The following BCAN variants were observed in gnomAD, a reference collection of about 807,000 sequenced individuals.
BCAN encodes the protein brevican, also known as brevican core protein.
A neutral mutation model predicts 92.4 loss-of-function variants in BCAN; 51 were observed. The ratio of observed to expected loss-of-function variants is 0.55; its 90% CI spans 0.44 to 0.70. The LOEUF (loss-of-function observed/expected upper bound fraction) is 0.70. Among genes scored for constraint, BCAN ranks in the 30% least tolerant of loss-of-function variants. BCAN has a pLI of 0.00. For synonymous variants in BCAN, 501 were observed against 505.2 expected, an observed-to-expected ratio of 0.99 and a Z score of 0.11; for missense variants, 1,140 against 1,212.1, an observed-to-expected ratio of 0.94 and a Z score of 0.88.
rs1260306670 is a variant in BCAN, at chr1:156,659,026, G to C, written c.2629-1G>C. ...GGAGGGTGAGTGTGTGTCTTCCCCAGGCCCGAGCTCTGCACCCAGAGGAGG... is the reference window on the plus strand; with the variant it reads ...GGAGGGTGAGTGTGTGTCTTCCCCACGCCCGAGCTCTGCACCCAGAGGAGG... On this transcript the variant is annotated splice_acceptor_variant, in intron 13 of 13. Transcript: ENST00000329117. LOFTEE classifies it high-confidence loss of function. The C allele has an allele frequency of 6.3e-7, 1 of 1,594,866 alleles. No individual in the cohort carries two copies. The highest frequency in any genetic ancestry group is 8.5e-7 in the Non-Finnish European group (1 of 1,172,522).
rs116467556 is a variant in BCAN at position 156,654,256 on chromosome 1, G to T, written c.1942+1364G>T. 5.5e-3 allele frequency among the ~76,000 whole-genome samples: 834 copies of T among 152,276 alleles called. 8 individuals are homozygous for T. Among genetic ancestry groups the T allele is most frequent in the African/African-American group, 0.017 (725 of 41,550 alleles). On this transcript the variant is annotated intron_variant, in intron 8 of 13. Coordinates refer to ENST00000329117, the MANE Select transcript of BCAN (RefSeq NM_021948.5). Reference sequence around the variant, plus strand: ...CCAGTGGAGGTTCCTGGAGAAGGCTGGGATTCCCTTAGCCCTAGGACCCCC... The same window carrying T: ...CCAGTGGAGGTTCCTGGAGAAGGCTTGGATTCCCTTAGCCCTAGGACCCCC...
intron 7 of BCAN, 96 bp downstream of exon 7, chr1:156,651,785 G>A (rs1679174371): frequency 9.0e-7 from 1 of 1,111,198 alleles, no homozygotes; most frequent in African/African-American, 1.6e-5. Flanking sequence ...TGGATGACAT[G>A]ACTCTGCCCT....
rs1679068603 is a variant in BCAN, at chr1:156,648,811, A to T, written c.1013A>T (p.Gln338Leu). The T allele has an allele frequency of 3.1e-6, 5 of 1,592,488 alleles. No individual in the cohort carries two copies. The East Asian group carries it at 1.1e-4, about 36-fold the overall frequency. The stretch of plus-strand genomic sequence containing the variant: ...AAGACTCTCTTCCTCTTCCCCAACC[A>T]GACTGGCTTCCCCAATAAGCACAGC... ...GVKTLFLFPN[Q>L]TGFPNKHSRF... The change falls in exon 6 of 14, where the codon CAG becomes CTG. Residue 338 changes from glutamine (Q) to leucine (L), a missense_variant. Physicochemically the swap from Gln to Leu is moderately radical, Grantham distance 113 (BLOSUM62 -2). Around this residue, in one of 3 missense-constraint regions of BCAN, gnomAD observed 825 missense variants for 871.8 expected, o/e 0.95. Transcript: ENST00000329117.
chr1:156,657,395 C>T lies in BCAN; in HGVS notation c.2210-280C>T, dbSNP rs1463980781. On this transcript the variant is annotated intron_variant, in intron 10 of 13. Transcript: ENST00000329117. ...AACCTCCCTGCTCTCCGACCTCCGT[C>T]GGCCTCCTCCAACTCCAACTCCAAT... 1.4e-5 allele frequency: 8 copies of T among 552,562 alleles called. No individual in the cohort carries two copies. The South Asian group carries it at 1.5e-4, about 10-fold the overall frequency. The allele number at this position is 552,562 out of a possible 1,614,324, so 34.2% of individuals were successfully genotyped here. A position where few individuals can be genotyped will look rare whatever the true frequency, so the allele number is the denominator to read the frequency against.
chr1:156,647,929 G>A lies in BCAN; in HGVS notation c.642-54G>A, dbSNP rs1679040148. On this transcript the variant is annotated intron_variant, in intron 4 of 13. Coordinates refer to ENST00000329117, the MANE Select transcript of BCAN (RefSeq NM_021948.5). This position sits in a 1 kb window ranked among gnomAD's most constrained non-coding sequence, Gnocchi z 4.8. ...GTGGGGTTCAATAGAATCAATATGG[G>A]CTGGCTCCCTGGTGAAAGCATCTGT... 6.2e-7 allele frequency: 1 copy of A among 1,607,790 alleles called. No individual in the cohort carries two copies. Among genetic ancestry groups the A allele is most frequent in the South Asian group, 1.1e-5 (1 of 90,888 alleles).
Position 156,648,044 on chromosome 1 carries a change from C to A in BCAN, c.703C>A (p.Arg235=). The change falls in exon 5 of 14, where the codon CGG becomes AGG. Residue 235 remains arginine (R), a synonymous_variant. Coordinates refer to ENST00000329117, the MANE Select transcript of BCAN (RefSeq NM_021948.5). ...AGACATGGATGGCTTCCCCGGGGTC[C>A]GGAACTATGGTGTGGTGGACCCGGA... ...YGDMDGFPGV[R]NYGVVDPDDL... 1 of 1,614,016 alleles carries A rather than the reference C, an allele frequency of 6.2e-7. No individual in the cohort carries two copies.
Position 156,652,780 on chromosome 1 carries a change from C to A in BCAN, c.1830C>A (p.Pro610=). 6.2e-7 allele frequency: 1 copy of A among 1,612,288 alleles called. No homozygotes were observed. The highest frequency in any genetic ancestry group is 8.5e-7 in the Non-Finnish European group (1 of 1,178,744). ...APEGTRELEA[P]SEDNSGRTAP... The stretch of plus-strand genomic sequence containing the variant: ...AGGGTACCAGGGAGCTGGAGGCCCC[C>A]TCTGAAGATAATTCTGGAAGAACTG... The change falls in exon 8 of 14, where the codon CCC becomes CCA. Residue 610 remains proline, a synonymous_variant. Coordinates refer to ENST00000329117, the MANE Select transcript of BCAN (RefSeq NM_021948.5).
At position 156,647,806 on chromosome 1, in the gene BCAN, G is replaced by T; in HGVS notation, c.641+124G>T. The T allele has an allele frequency of 6.5e-7, 1 of 1,538,036 alleles. No individual in the cohort carries two copies. The highest frequency in any genetic ancestry group is 8.9e-7 in the Non-Finnish European group (1 of 1,119,402). On this transcript the variant is annotated intron_variant, in intron 4 of 13. Transcript: ENST00000329117. This position sits in a 1 kb window ranked among gnomAD's most constrained non-coding sequence, Gnocchi z 4.8. ...GGGCTTTTTGCCTCTGGGGGATGAGGCTGGTCTGAGGAGGGGAGGTGAGGA... is the reference window on the plus strand; with the variant it reads ...GGGCTTTTTGCCTCTGGGGGATGAGTCTGGTCTGAGGAGGGGAGGTGAGGA...
Position 156,658,804 on chromosome 1 carries a change from T to C in BCAN, c.2628+71T>C. ...CAGTAGCCTTGGACTCCACTTAAAG[T>C]CCTGCCTGTCACTGGCCATGTGACC... is the stretch of plus-strand genomic sequence containing the variant. On this transcript the variant is annotated intron_variant, in intron 13 of 13. Transcript: ENST00000329117. The surrounding 1 kb of genome is among the most constrained non-coding windows in gnomAD (Gnocchi z 4.4). 1.3e-6 allele frequency: 2 copies of C among 1,586,402 alleles called. No homozygotes were observed. The highest frequency in any genetic ancestry group is 8.6e-7 in the Non-Finnish European group (1 of 1,160,380).
At position 156,658,409 on chromosome 1, in the gene BCAN, C is replaced by G; in HGVS notation, c.2438-134C>G. ...GTGTTCCAGACCATGGGAGAGCTAACAAGTTACGTGGGTCCACTCGGAATC... is the reference window on the plus strand; with the variant it reads ...GTGTTCCAGACCATGGGAGAGCTAAGAAGTTACGTGGGTCCACTCGGAATC... On this transcript the variant is annotated intron_variant, in intron 12 of 13. Transcript: ENST00000329117. The surrounding 1 kb of genome is among the most constrained non-coding windows in gnomAD (Gnocchi z 4.4). The G allele has an allele frequency of 1.5e-5, 22 of 1,460,400 alleles. No homozygotes were observed. The highest frequency in any genetic ancestry group is 1.9e-5 in the Non-Finnish European group (21 of 1,084,182). The allele number at this position is 1,460,400 out of a possible 1,614,324, so 90.5% of individuals were successfully genotyped here. A position where few individuals can be genotyped will look rare whatever the true frequency, so the allele number is the denominator to read the frequency against.
At chr1:156,653,409 T>A in intron 8 of BCAN, 1 of 996,918 alleles carries the variant, frequency 1.0e-6, no homozygotes, top group Non-Finnish European at 1.2e-6. Flanking sequence ...GTGAAGTATT[T>A]TTTGACTGTT....
intron 1 of BCAN, among the ~76,000 whole-genome samples, chr1:156,645,334 G>C (rs1678926460): frequency 6.6e-6 from 1 of 152,232 alleles, no homozygotes; most frequent in Non-Finnish European, 1.5e-5. Context: ...GCAGAAAGGA[G>C]AGGCTGGGAA....
intron 10 of BCAN, 146 bp from the exon 11 acceptor site, chr1:156,657,529 C>T: frequency 4.9e-6 from 3 of 617,290 alleles, no homozygotes; most frequent in Non-Finnish European, 8.4e-6. Flanking sequence ...GGCCCTTGAG[C>T]AGAGGCTGGG....
At chr1:156,648,169 T>A (rs879427718) in intron 5 of BCAN, 59 bp downstream of exon 5, 15 of 1,589,686 alleles carry the variant, frequency 9.4e-6, no homozygotes, top group Non-Finnish European at 1.3e-5. Flanking sequence ...TGCCCATAGG[T>A]CCTCCCGGGG....
chr1:156,649,008 G>A, intron 6 of BCAN, 147 bp downstream of exon 6: 3 of 1,019,208 alleles, frequency 2.9e-6, no homozygotes, highest in Non-Finnish European at 4.1e-6. Context: ...TGTCATCTAG[G>A]GTTCTAATTC....
In BCAN at chr1:156,658,453, T is replaced by C. The variant is rs1679413979; in HGVS notation, c.2438-90T>C. ...CGGAATCCCTGATCTTTTTTTGTCA[T>C]GTTGTGGCCCATTTTTCTCTTCCCC... On this transcript the variant is annotated intron_variant, in intron 12 of 13. Coordinates refer to ENST00000329117, the MANE Select transcript of BCAN (RefSeq NM_021948.5). The surrounding 1 kb of genome is among the most constrained non-coding windows in gnomAD (Gnocchi z 4.4). 6.6e-7 allele frequency: 1 copy of C among 1,508,382 alleles called. No homozygotes were observed. Among genetic ancestry groups the C allele is most frequent in the Admixed American group, 2.0e-5 (1 of 50,278 alleles). 93.4% of individuals were successfully genotyped at this position (1,508,382 alleles called of 1,614,324 possible).
chr1:156,648,118 G>C lies in BCAN; in HGVS notation c.769+8G>C. The C allele has an allele frequency of 6.2e-7, 1 of 1,609,282 alleles. No homozygotes were observed. Among genetic ancestry groups the C allele is most frequent in the Non-Finnish European group, 8.5e-7 (1 of 1,175,974 alleles). ...ATGCTGAAGACCTAAATGGTGATTA[G>C]GAGTGAGAGGTTCCCAGGGGACAAT... On this transcript the variant is annotated splice_region_variant and intron_variant, in intron 5 of 13. Coordinates refer to ENST00000329117, the MANE Select transcript of BCAN (RefSeq NM_021948.5).
Position 156,658,186 on chromosome 1 carries a change from C to A in BCAN, c.2352C>A (p.Cys784Ter), listed in dbSNP as rs1340602226. The change falls in exon 12 of 14, where the codon TGC (cysteine) becomes TGA (stop). Residue 784 changes from cysteine to a stop codon, truncating the protein, a stop_gained. Coordinates refer to ENST00000329117, the MANE Select transcript of BCAN (RefSeq NM_021948.5). LOFTEE classifies it high-confidence loss of function. The surrounding 1 kb of genome is among the most constrained non-coding windows in gnomAD (Gnocchi z 4.4). Reference protein sequence around the residue: ...PDSYFLSGENCVVMVWHDQGQ... With the variant: ...PDSYFLSGEN ...GCTACTTCCTGTCTGGAGAGAACTG[C>A]GTGGTCATGGTGTGGCATGATCAGG... 7 of 1,613,940 alleles carry A rather than the reference C, an allele frequency of 4.3e-6. No individual in the cohort carries two copies. Among genetic ancestry groups the A allele is most frequent in the African/African-American group, 1.3e-5 (1 of 74,872 alleles).
Position 156,651,644 on chromosome 1 carries a change from A to C in BCAN, c.1252A>C (p.Ser418Arg), listed in dbSNP as rs759487112. 1.2e-6 allele frequency: 2 copies of C among 1,613,680 alleles called. No individual in the cohort carries two copies. The highest frequency in any genetic ancestry group is 3.3e-5 in the Admixed American group (2 of 60,024). Reference protein sequence around the residue: ...IPIMEDGGGGSSTPEDPAEAP... With the variant: ...IPIMEDGGGGRSTPEDPAEAP... ...CATCATGGAGGACGGAGGAGGTGGA[A>C]GCTCCACTCCAGAAGACCCAGCAGA... The change falls in exon 7 of 14, where the codon AGC (serine) becomes CGC (arginine). Residue 418 changes from serine (S) to arginine (R), a missense_variant. By Grantham distance (110) the Ser-to-Arg change is moderately radical (BLOSUM62 -1). Coordinates refer to ENST00000329117, the MANE Select transcript of BCAN (RefSeq NM_021948.5).
Sources: allele counts gnomAD v4.1 joint callset (sites outside exome capture counted in the v4.1 genomes callset), GRCh38; gene constraint gnomAD v4.1.1; regional missense constraint gnomAD v4.1.1; non-coding constraint Gnocchi (gnomAD v3.1); transcripts MANE v1.5; gene names NCBI Gene and HGNC (gene_info 2026-07-23, HGNC 2026-07-21).